Variants in SCAMP1 observed in about 807,000 individuals in gnomAD.
SCAMP1 encodes the protein secretory carrier membrane protein 1.
In SCAMP1, 15 loss-of-function variants were observed where a neutral mutation model predicts 41.8. The observed-to-expected ratio is 0.36, with a 90% CI of 0.24 to 0.55. The LOEUF is 0.55. Ranked by LOEUF, SCAMP1 falls within the 20% of genes least tolerant of loss-of-function variation. The pLI, the probability that SCAMP1 is intolerant of heterozygous loss-of-function variation, is 0.86. For missense variants in SCAMP1, 341 were observed against 412.6 expected, an observed-to-expected ratio of 0.83 and a Z score of 1.50; for synonymous variants, 135 against 136.8, an observed-to-expected ratio of 0.99 and a Z score of 0.09.
chr5:78,437,573 A>G (rs546005120), intron 6 of SCAMP1, among the ~76,000 whole-genome samples: 2 of 152,310 alleles, frequency 1.3e-5, no homozygotes, highest in African/African-American at 4.8e-5. Context: ...CCACTTGATC[A>G]TGGTGGATAA....
chr5:78,456,742 A>G lies in SCAMP1; in HGVS notation c.735-2503A>G, dbSNP rs554824775. Among the ~76,000 whole-genome samples the G allele has an allele frequency of 2.2e-3, 328 of 148,826 alleles. 1 individual carries two copies. Among genetic ancestry groups the G allele is most frequent in the African/African-American group, 8.0e-3 (314 of 39,436 alleles). ...TCTGAGCGTTGGCCTGCCTTGCTAG[A>G]TTGGGGAAGTTCTCCTGGATAATAT... On this transcript the variant is annotated intron_variant, in intron 7 of 8. Transcript: ENST00000621999.
intron 1 of SCAMP1, among the ~76,000 whole-genome samples, chr5:78,387,182 G>C (rs541673988): frequency 6.6e-6 from 1 of 152,004 alleles, no homozygotes; most frequent in Admixed American, 6.5e-5. Flanking sequence ...TTGTTGGATT[G>C]GGTTAATTCG....
At chr5:78,429,238 G>A (rs548732939) in intron 6 of SCAMP1, among the ~76,000 whole-genome samples, 77 of 151,292 alleles carry the variant, frequency 5.1e-4, no homozygotes, top group Non-Finnish European at 8.6e-4. Flanking sequence ...AATTTTAAGA[G>A]AAAGCATTCA....
At chr5:78,429,726 TG>T (rs2112163097) in intron 6 of SCAMP1, among the ~76,000 whole-genome samples, 1 of 152,252 alleles carries the variant, frequency 6.6e-6, no homozygotes, top group African/African-American at 2.4e-5. Context: ...TTATGTTGTG[TG>T]CCTTTGGACA....
intron 5 of SCAMP1, among the ~76,000 whole-genome samples, chr5:78,421,033 GTTA>G (rs2112146666): frequency 1.3e-5 from 2 of 152,274 alleles, no homozygotes; most frequent in South Asian, 4.1e-4. Context: ...CTTTGAAACA[GTTA>G]TTAATTACAA....
chr5:78,467,963 G>C (rs1276704890), intron 8 of SCAMP1, among the ~76,000 whole-genome samples: 1 of 152,166 alleles, frequency 6.6e-6, no homozygotes. Flanking sequence ...TTCAAGAACA[G>C]TTAATGCCCT....
In SCAMP1 at chr5:78,479,690, C is replaced by T. The variant is rs572982064; in HGVS notation, c.*4022C>T. ...GACTGTTCTCCAGTTTTCTCACCCC[C>T]GCTGTGGGTTTTATATTTACAATTT... On this transcript the variant is annotated 3_prime_UTR_variant, in exon 9 of 9. Coordinates refer to ENST00000621999, the MANE Select transcript of SCAMP1 (RefSeq NM_004866.6). Among the ~76,000 whole-genome samples, 178 of 152,288 alleles carry T rather than the reference C, an allele frequency of 1.2e-3. 1 individual carries two copies. Among genetic ancestry groups the T allele is most frequent in the African/African-American group, 3.9e-3 (161 of 41,568 alleles).
chr5:78,475,851 A>G lies in SCAMP1; in HGVS notation c.*183A>G, dbSNP rs1753991174. ...TATTACTTTACCTAATAGTTTCTTA[A>G]TATTTCAGTGCCCCTTGCAGAAAAA... On this transcript the variant is annotated 3_prime_UTR_variant, in exon 9 of 9. Coordinates refer to ENST00000621999, the MANE Select transcript of SCAMP1 (RefSeq NM_004866.6). 5.4e-6 allele frequency: 2 copies of G among 370,656 alleles called. No homozygotes were observed. The highest frequency in any genetic ancestry group is 9.4e-6 in the Non-Finnish European group (2 of 212,682). The allele number at this position is 370,656 out of a possible 1,614,324, so 23.0% of individuals were successfully genotyped here. A position where few individuals can be genotyped will look rare whatever the true frequency, so the allele number is the denominator to read the frequency against.
intron 1 of SCAMP1, among the ~76,000 whole-genome samples, chr5:78,367,331 A>G (rs1048060756): frequency 6.6e-6 from 1 of 152,122 alleles, no homozygotes; most frequent in African/African-American, 2.4e-5. Flanking sequence ...ATTGCGCTAG[A>G]CTTAGCTGGG....
intron 8 of SCAMP1, among the ~76,000 whole-genome samples, chr5:78,463,221 C>T (rs921081234): frequency 7.2e-5 from 11 of 152,224 alleles, no homozygotes; most frequent in African/African-American, 2.4e-4. Flanking sequence ...TCCTCCTTAA[C>T]CTCTGTAGCT....
At chr5:78,427,565 T>G (rs1752498887) in intron 6 of SCAMP1, among the ~76,000 whole-genome samples, 1 of 152,148 alleles carries the variant, frequency 6.6e-6, no homozygotes, top group Non-Finnish European at 1.5e-5. Context: ...GTAGCCTTAC[T>G]GGGATGAAAC....
At chr5:78,440,302 T>C (rs1192822774) in intron 6 of SCAMP1, among the ~76,000 whole-genome samples, 2 of 152,224 alleles carry the variant, frequency 1.3e-5, no homozygotes, top group Non-Finnish European at 2.9e-5. Flanking sequence ...TTTTAGAATT[T>C]TCAGCTTTTC....
At chr5:78,453,664 T>C (rs1561283232) in intron 7 of SCAMP1, among the ~76,000 whole-genome samples, 2 of 152,208 alleles carry the variant, frequency 1.3e-5, no homozygotes, top group South Asian at 4.1e-4. Flanking sequence ...GCCTTGGCGA[T>C]GCGGGCTCTT....
intron 2 of SCAMP1, among the ~76,000 whole-genome samples, chr5:78,394,978 C>T (rs1751615119): frequency 6.6e-6 from 1 of 152,130 alleles, no homozygotes; most frequent in South Asian, 2.1e-4. Context: ...AATAGAATGA[C>T]CTATCTAGTT....
At chr5:78,460,806 TCCC>T (rs1561287204) in intron 8 of SCAMP1, among the ~76,000 whole-genome samples, 22 of 33,726 alleles carry the variant, frequency 6.5e-4, no homozygotes, top group South Asian at 9.4e-4. Flanking sequence ...CCTTCCTTCC[TCCC>T]TTCCTTCCTT....
chr5:78,402,013 A>G (rs1197349426), intron 2 of SCAMP1, among the ~76,000 whole-genome samples: 1 of 139,108 alleles, frequency 7.2e-6, no homozygotes, highest in African/African-American at 2.8e-5. Flanking sequence ...AAATTTTGAT[A>G]AGATGTACAT....
At chr5:78,371,392 C>T (rs1007342982) in intron 1 of SCAMP1, among the ~76,000 whole-genome samples, 1 of 152,086 alleles carries the variant, frequency 6.6e-6, no homozygotes, top group Non-Finnish European at 1.5e-5. Context: ...AATGGTTGTT[C>T]CAGCACCATT....
At chr5:78,430,740 A>G (rs1752600694) in intron 6 of SCAMP1, among the ~76,000 whole-genome samples, 1 of 151,970 alleles carries the variant, frequency 6.6e-6, no homozygotes, top group Admixed American at 6.6e-5. Context: ...GAAGCTTAGG[A>G]TGTTATGTTC....
rs776874172 is a variant in SCAMP1 at position 78,388,956 on chromosome 5, G to A, written c.135+42G>A. The A allele has an allele frequency of 3.0e-6, 3 of 995,302 alleles. No individual in the cohort carries two copies. The Admixed American group carries it at 7.7e-5, about 25-fold the overall frequency. 61.7% of individuals were successfully genotyped at this position (995,302 alleles called of 1,614,324 possible). A position where few individuals can be genotyped will look rare whatever the true frequency, so the allele number is the denominator to read the frequency against. On this transcript the variant is annotated intron_variant, in intron 2 of 8. Coordinates refer to ENST00000621999, the MANE Select transcript of SCAMP1 (RefSeq NM_004866.6). ...TTTTAAATGTTTAAATTGAAATTCA[G>A]TAGGAATTCTATTTTAACTATGATT... is the stretch of plus-strand genomic sequence containing the variant.
Sources: allele counts gnomAD v4.1 joint callset (sites outside exome capture counted in the v4.1 genomes callset), GRCh38; gene constraint gnomAD v4.1.1; transcripts MANE v1.5; gene names NCBI Gene and HGNC (gene_info 2026-07-23, HGNC 2026-07-21).